LRRC49: variants seen among roughly 807,000 people sequenced by gnomAD.
LRRC49 encodes leucine-rich repeat-containing protein 49.
In LRRC49, 50 loss-of-function variants were observed where a neutral mutation model predicts 83.3. The ratio of observed to expected loss-of-function variants is 0.60; its 90% CI spans 0.48 to 0.76. The LOEUF is 0.76. Among genes scored for constraint, LRRC49 ranks in the 30% least tolerant of loss-of-function variants. LRRC49 has a pLI of 0.00. For synonymous variants in LRRC49, 286 were observed against 283.3 expected, an observed-to-expected ratio of 1.01 and a Z score of -0.10; for missense variants, 704 against 809.1, an observed-to-expected ratio of 0.87 and a Z score of 1.58.
At chr15:70,870,512 T>C (rs979874454) in intron 1 of LRRC49, among the ~76,000 whole-genome samples, 4 of 152,230 alleles carry the variant, frequency 2.6e-5, no homozygotes, top group African/African-American at 9.6e-5. Context: ...TGTTTTGAGA[T>C]GGAATTTTGC....
At chr15:71,026,038 G>T (rs1297885120) in intron 14 of LRRC49, among the ~76,000 whole-genome samples, 1 of 151,820 alleles carries the variant, frequency 6.6e-6, no homozygotes, top group African/African-American at 2.4e-5. Flanking sequence ...ATATCTACAG[G>T]TATTTCTCCT....
At chr15:71,030,030 A>G (rs2039300336) in intron 14 of LRRC49, among the ~76,000 whole-genome samples, 2 of 152,188 alleles carry the variant, frequency 1.3e-5, no homozygotes, top group African/African-American at 2.4e-5. Context: ...TTTAAGGTTA[A>G]TATTATTATG....
chr15:71,043,426 A>T lies in LRRC49; in HGVS notation c.1858-5983A>T, dbSNP rs185057904. Among the ~76,000 whole-genome samples, 45 of 152,332 alleles carry T rather than the reference A, an allele frequency of 3.0e-4. 1 individual carries two copies. The highest frequency in any genetic ancestry group is 1.0e-3 in the African/African-American group (43 of 41,574). On this transcript the variant is annotated intron_variant, in intron 15 of 15. Transcript: ENST00000260382. ...TACTTGCTTTATGAATCCCACAGGG[A>T]TATTGTGAGACAAAAAGAGATGAGT...
At chr15:70,877,099 CCT>C (rs2033167850) in intron 2 of LRRC49, among the ~76,000 whole-genome samples, 2 of 152,076 alleles carry the variant, frequency 1.3e-5, no homozygotes, top group African/African-American at 4.8e-5. Context: ...ATATTTATAT[CCT>C]CTCTCTCCTT....
chr15:70,904,879 A>G (rs1282696666), intron 5 of LRRC49, 124 bp downstream of exon 5: 1 of 650,596 alleles, frequency 1.5e-6, no homozygotes, highest in African/African-American at 1.9e-5. Flanking sequence ...AATTATTTGA[A>G]TTAGTTGAAT....
chr15:71,018,732 G>A (rs965420679), intron 14 of LRRC49, among the ~76,000 whole-genome samples: 2 of 152,084 alleles, frequency 1.3e-5, no homozygotes, highest in African/African-American at 4.8e-5. Context: ...AGATCCTACA[G>A]GTTGAAAGAT....
At position 70,855,347 on chromosome 15, in the gene LRRC49, A is replaced by AG. The variant is rs1333232384; in HGVS notation, c.-299+1878_-299+1879insG. Among the ~76,000 whole-genome samples, 99 of 148,812 alleles carry AG rather than the reference A, an allele frequency of 6.7e-4. 1 individual carries two copies. The highest frequency in any genetic ancestry group is 2.3e-3 in the African/African-American group (94 of 41,312). On this transcript the variant is annotated intron_variant, in intron 1 of 16. Coordinates refer to the LRRC49 transcript ENST00000544974. ...GAGACTCCGTCTCAAAAAAAAAAAA[A>AG]AGAAAAAGAAAAAAAAAGAAAGAAG...
intron 11 of LRRC49, among the ~76,000 whole-genome samples, chr15:70,992,708 A>G (rs2037929863): frequency 6.6e-6 from 1 of 152,220 alleles, no homozygotes. Context: ...AATATTGCTC[A>G]ACAGAAAATG....
intron 5 of LRRC49, chr15:70,908,603 G>A (rs1271312986): frequency 6.6e-6 from 1 of 152,346 alleles, no homozygotes; most frequent in African/African-American, 2.4e-5. Context: ...GTTATTTATA[G>A]GGGAAATTGG....
In LRRC49 at chr15:71,049,586, CTA is replaced by C; in HGVS notation, c.2036_2037del (p.Leu679ProfsTer16). The part of the protein sequence containing the change: ...RNKNSYMKLC[L>X]QQITDQK ...TAAAAATTCCTATATGAAGCTCTGC[CTA>C]CAGCAGATAACAGACCAAAAATAAA... On this transcript the variant is annotated frameshift_variant, in exon 16 of 16. Coordinates refer to ENST00000260382, the MANE Select transcript of LRRC49 (RefSeq NM_017691.5). LOFTEE classifies it high-confidence loss of function. 1 of 1,611,994 alleles carries C rather than the reference CTA, an allele frequency of 6.2e-7. No homozygotes were observed. The highest frequency in any genetic ancestry group is 8.5e-7 in the Non-Finnish European group (1 of 1,179,390).
chr15:70,872,160 G>A (rs1405080853), intron 1 of LRRC49, among the ~76,000 whole-genome samples: 4 of 152,238 alleles, frequency 2.6e-5, no homozygotes, highest in Admixed American at 1.3e-4. Context: ...TCGGGAGGCC[G>A]AAGCTGGCAG....
In LRRC49 at chr15:70,971,843, T is replaced by C. The variant is rs549942155; in HGVS notation, c.921+7911T>C. ...TGCTTTCCATTTCCTTGGTAAATCT[T>C]CCTCTATCACTTTATTTTGAGTCTA... On this transcript the variant is annotated intron_variant, in intron 9 of 15. Transcript: ENST00000260382. Among the ~76,000 whole-genome samples the C allele has an allele frequency of 5.6e-5, 8 of 141,778 alleles. No homozygotes were observed. In the South Asian group the frequency reaches 1.9e-3, roughly 34 times the overall value. The allele number at this position is 141,778 out of a possible 152,430, so 93.0% of individuals were successfully genotyped here.
chr15:71,021,852 C>A (rs1248023519), intron 14 of LRRC49, among the ~76,000 whole-genome samples: 1 of 152,212 alleles, frequency 6.6e-6, no homozygotes, highest in Non-Finnish European at 1.5e-5. Context: ...CAGAAACATG[C>A]AAGGCCTCTT....
intron 7 of LRRC49, among the ~76,000 whole-genome samples, chr15:70,929,632 G>C (rs1023335527): frequency 6.6e-6 from 1 of 152,156 alleles, no homozygotes; most frequent in Non-Finnish European, 1.5e-5. Flanking sequence ...ATGAGATACT[G>C]TTTGATAGCA....
chr15:71,000,592 C>T (rs902261551), intron 11 of LRRC49, among the ~76,000 whole-genome samples: 1 of 152,166 alleles, frequency 6.6e-6, no homozygotes, highest in African/African-American at 2.4e-5. Flanking sequence ...GTTGTCCAAA[C>T]CCATGCCACA....
chr15:70,965,617 T>C (rs2036767329), intron 9 of LRRC49, among the ~76,000 whole-genome samples: 1 of 152,044 alleles, frequency 6.6e-6, no homozygotes, highest in African/African-American at 2.4e-5. Context: ...TACTTATAGG[T>C]TTTTGGCATT....
chr15:70,909,873 CACACAA>C (rs914577262), intron 5 of LRRC49, among the ~76,000 whole-genome samples: 2 of 150,984 alleles, frequency 1.3e-5, no homozygotes, highest in African/African-American at 2.5e-5. Flanking sequence ...CACACACACA[CACACAA>C]AACAAACAAA....
rs1432291959 is a variant in LRRC49, at chr15:71,037,253, G to C, written c.1778G>C (p.Ser593Thr). 1.2e-6 allele frequency: 2 copies of C among 1,609,136 alleles called. No individual in the cohort carries two copies. The highest frequency in any genetic ancestry group is 4.5e-5 in the East Asian group (2 of 44,748). Residue 593 changes from serine to threonine, a missense_variant, in exon 15 of 16, where the codon AGC becomes ACC. Around this residue, in one of 3 missense-constraint regions of LRRC49, gnomAD observed 275 missense variants for 338.0 expected, o/e 0.81. Transcript: ENST00000260382. ...ATTATCAACGAAGAAAATAATGACA[G>C]CAAAAGACTTGTAGGAGAAAACACA... ...PGIINEENND[S>T]KRLVGENTNR... is the part of the protein sequence containing the mutation.
At chr15:71,016,180 C>T (rs1176011721) in intron 14 of LRRC49, among the ~76,000 whole-genome samples, 2 of 152,012 alleles carry the variant, frequency 1.3e-5, no homozygotes, top group African/African-American at 4.8e-5. Flanking sequence ...TTCTATGAAC[C>T]TCTTGAATTA....
Sources: gnomAD v4.1 joint callset for allele counts (sites outside exome capture counted in the v4.1 genomes callset) on GRCh38, gnomAD v4.1.1 for gene constraint, gnomAD v4.1.1 regional missense constraint, MANE v1.5 for transcripts, NCBI Gene and HGNC (gene_info 2026-07-23, HGNC 2026-07-21) for gene names.